The following CTNNA3 variants were observed in gnomAD, a reference collection of about 807,000 sequenced individuals.
The protein encoded by CTNNA3 is catenin alpha 3, also known as catenin alpha-3.
A neutral mutation model predicts 95.7 loss-of-function variants in CTNNA3; 76 were observed. That is an observed-to-expected ratio of 0.79 (90% CI 0.66 to 0.96). The LOEUF is 0.96. Ranked by LOEUF, CTNNA3 falls within the 40% of genes least tolerant of loss-of-function variation. CTNNA3 has a pLI of 0.00. For synonymous variants in CTNNA3, 431 were observed against 374.4 expected, an observed-to-expected ratio of 1.15 and a Z score of -1.74; for missense variants, 1,191 against 1,089.8, an observed-to-expected ratio of 1.09 and a Z score of -1.31.
intron 7 of CTNNA3, among the ~76,000 whole-genome samples, chr10:66,805,383 G>C (rs1841597948): frequency 6.6e-6 from 1 of 150,456 alleles, no homozygotes; most frequent in African/African-American, 2.4e-5. Flanking sequence ...AAAAAAAAAA[G>C]AAAAAGAATA....
chr10:66,250,239 T>C (rs937343026), intron 13 of CTNNA3, among the ~76,000 whole-genome samples: 4 of 152,070 alleles, frequency 2.6e-5, no homozygotes, highest in East Asian at 3.9e-4. Flanking sequence ...TTCGTGGAGA[T>C]AGAGGGTAGA....
intron 7 of CTNNA3, among the ~76,000 whole-genome samples, chr10:67,161,102 T>C (rs1861524184): frequency 6.6e-6 from 1 of 152,170 alleles, no homozygotes; most frequent in Admixed American, 6.5e-5. Flanking sequence ...TATAGAGATA[T>C]GTTGTCCAAC....
chr10:66,349,591 C>T (rs535690471), intron 12 of CTNNA3, among the ~76,000 whole-genome samples: 20 of 152,196 alleles, frequency 1.3e-4, no homozygotes, highest in Admixed American at 3.3e-4. Context: ...TTCACAACTA[C>T]GCTAACTTTT....
At chr10:66,027,052 A>G (rs2079354401) in intron 15 of CTNNA3, among the ~76,000 whole-genome samples, 1 of 152,134 alleles carries the variant, frequency 6.6e-6, no homozygotes, top group Non-Finnish European at 1.5e-5. Context: ...GATTTAAAAA[A>G]TCATCTTATT....
chr10:67,627,017 C>T (rs1838979747), intron 2 of CTNNA3, among the ~76,000 whole-genome samples: 2 of 152,086 alleles, frequency 1.3e-5, no homozygotes, highest in South Asian at 4.1e-4. Flanking sequence ...TTTATGCTAC[C>T]TCTGTTAGAT....
chr10:67,163,250 G>A (rs1861624424), intron 7 of CTNNA3, among the ~76,000 whole-genome samples: 1 of 151,942 alleles, frequency 6.6e-6, no homozygotes, highest in Non-Finnish European at 1.5e-5. Context: ...TCATCCATAT[G>A]TAAAATGAAT....
intron 1 of CTNNA3, chr10:67,750,637 G>A: frequency 6.5e-7 from 1 of 1,547,888 alleles, no homozygotes; most frequent in South Asian, 1.1e-5. Flanking sequence ...ATACAAGTCT[G>A]GGGATGATTT....
At chr10:67,438,049 A>G (rs956841034) in intron 5 of CTNNA3, among the ~76,000 whole-genome samples, 6 of 152,160 alleles carry the variant, frequency 3.9e-5, no homozygotes, top group Non-Finnish European at 8.8e-5. Flanking sequence ...AAAGAAAAAG[A>G]CTGCATTTGA....
chr10:66,054,558 T>G (rs1300935274), intron 15 of CTNNA3, among the ~76,000 whole-genome samples: 1 of 152,192 alleles, frequency 6.6e-6, no homozygotes, highest in Non-Finnish European at 1.5e-5. Flanking sequence ...CTTTTGTACA[T>G]TTTTGATTGG....
intron 12 of CTNNA3, among the ~76,000 whole-genome samples, chr10:66,376,144 G>A (rs769678233): frequency 2.0e-5 from 3 of 152,186 alleles, no homozygotes; most frequent in Admixed American, 6.6e-5. Context: ...TCTTATGTCC[G>A]TCCACTTCCA....
At chr10:66,583,565 T>C (rs980889387) in intron 10 of CTNNA3, among the ~76,000 whole-genome samples, 2 of 151,908 alleles carry the variant, frequency 1.3e-5, no homozygotes, top group Admixed American at 6.6e-5. Flanking sequence ...TATTTGGATC[T>C]TCTCTCTTCT....
chr10:67,426,418 A>G (rs570423681), intron 5 of CTNNA3, among the ~76,000 whole-genome samples: 1 of 152,136 alleles, frequency 6.6e-6, no homozygotes, highest in South Asian at 2.1e-4. Context: ...ACACAAAATT[A>G]AAGCAAATGA....
intron 3 of CTNNA3, among the ~76,000 whole-genome samples, chr10:67,579,674 T>C (rs1466713957): frequency 6.6e-6 from 1 of 152,150 alleles, no homozygotes; most frequent in East Asian, 1.9e-4. Context: ...CCACCAACAG[T>C]GTAAAAGTGT....
At chr10:66,764,862 T>C (rs1008173524) in intron 9 of CTNNA3, among the ~76,000 whole-genome samples, 1 of 152,184 alleles carries the variant, frequency 6.6e-6, no homozygotes, top group African/African-American at 2.4e-5. Flanking sequence ...TATCCTGAAA[T>C]GTTTCATTAA....
chr10:67,382,126 C>T (rs1843972681), intron 5 of CTNNA3, among the ~76,000 whole-genome samples: 1 of 152,044 alleles, frequency 6.6e-6, no homozygotes, highest in African/African-American at 2.4e-5. Flanking sequence ...TTTAACTAAA[C>T]ATAGTTAAGA....
At chr10:66,248,448 G>A (rs2090425139) in intron 13 of CTNNA3, among the ~76,000 whole-genome samples, 1 of 151,282 alleles carries the variant, frequency 6.6e-6, no homozygotes, top group South Asian at 2.1e-4. Flanking sequence ...AAGACATGGA[G>A]TAGAAGAATA....
At chr10:66,888,760 A>G (rs1341436974) in intron 7 of CTNNA3, among the ~76,000 whole-genome samples, 1 of 152,190 alleles carries the variant, frequency 6.6e-6, no homozygotes, top group African/African-American at 2.4e-5. Flanking sequence ...ACTCTCATTC[A>G]TTGCTGCTGG....
At chr10:66,998,334 T>C (rs1328374674) in intron 7 of CTNNA3, among the ~76,000 whole-genome samples, 1 of 152,136 alleles carries the variant, frequency 6.6e-6, no homozygotes, top group Admixed American at 6.5e-5. Context: ...AAATAGAAGA[T>C]AGAACAATAT....
rs532231061 is a variant in CTNNA3 at position 66,376,889 on chromosome 10, C to T, written c.1732+2263G>A. ...TAATAAGTCCAAGATGTGAAGCAGA[C>T]GCAAACAACGATGAACATCTCCTGT... On this transcript the variant is annotated intron_variant, in intron 12 of 17. Transcript: ENST00000433211. 7.2e-5 allele frequency among the ~76,000 whole-genome samples: 11 copies of T among 152,160 alleles called. No individual in the cohort carries two copies. In the South Asian group the frequency reaches 1.9e-3, roughly 26 times the overall value.
Sources: allele counts gnomAD v4.1 joint callset (sites outside exome capture counted in the v4.1 genomes callset), GRCh38; gene constraint gnomAD v4.1.1; transcripts MANE v1.5; gene names NCBI Gene and HGNC (gene_info 2026-07-23, HGNC 2026-07-21).